NLGN4Y: variants seen among roughly 807,000 people sequenced by gnomAD.
NLGN4Y encodes the protein neuroligin-4, Y-linked.
In NLGN4Y, 4 loss-of-function variants were observed where a neutral mutation model predicts 8.4. The observed-to-expected ratio is 0.48, with a 90% CI of 0.23 to 1.09. The LOEUF (loss-of-function observed/expected upper bound fraction) is 1.09. NLGN4Y is among the 50% of genes least tolerant of loss of function. NLGN4Y has a pLI of 0.19. For synonymous variants in NLGN4Y, 35 were observed against 75.6 expected, an observed-to-expected ratio of 0.46 and a Z score of 2.78; for missense variants, 90 against 192.3, an observed-to-expected ratio of 0.47 and a Z score of 3.15.
intron 1 of NLGN4Y, among the ~76,000 whole-genome samples, chrY:14,583,823 A>G: frequency 8.7e-5 from 3 of 34,288 alleles, no homozygotes; most frequent in Admixed American, 7.8e-4. Context: ...CAGACAGAGA[A>G]GGACCATGCG....
intron 1 of NLGN4Y, among the ~76,000 whole-genome samples, chrY:14,603,089 A>G: frequency 3.0e-5 from 1 of 33,443 alleles, no homozygotes; most frequent in Non-Finnish European, 7.4e-5. Context: ...ACATTTCTGT[A>G]CATATTTTCT....
chrY:14,649,229 C>T, intron 2 of NLGN4Y, among the ~76,000 whole-genome samples: 1 of 32,375 alleles, frequency 3.1e-5, no homozygotes, highest in South Asian at 6.9e-4. Flanking sequence ...TACTCCTAAA[C>T]GTATTATTTA....
At chrY:14,591,082 G>A (rs2080369675) in intron 1 of NLGN4Y, among the ~76,000 whole-genome samples, 1 of 32,561 alleles carries the variant, frequency 3.1e-5, no homozygotes, top group African/African-American at 1.2e-4. Flanking sequence ...CTGCGCTGAC[G>A]GACTTGAGCT....
At chrY:14,821,196 C>G (rs889391043) in intron 4 of NLGN4Y, among the ~76,000 whole-genome samples, 2 of 33,515 alleles carry the variant, frequency 6.0e-5, no homozygotes, top group Non-Finnish European at 1.5e-4. Flanking sequence ...CCAGTGGGTT[C>G]GTGGTCTTGC....
chrY:14,710,686 T>C, intron 2 of NLGN4Y, among the ~76,000 whole-genome samples: 1 of 33,782 alleles, frequency 3.0e-5, no homozygotes, highest in Non-Finnish European at 7.3e-5. Flanking sequence ...AATCAAAAAT[T>C]GGCTTGCTAT....
At chrY:14,548,704 A>G (rs2080181082) in intron 1 of NLGN4Y, among the ~76,000 whole-genome samples, 1 of 32,700 alleles carries the variant, frequency 3.1e-5, no homozygotes, top group Non-Finnish European at 7.5e-5. Context: ...CAGGAAACAC[A>G]TACCCTGCTA....
At chrY:14,595,336 G>A in intron 1 of NLGN4Y, among the ~76,000 whole-genome samples, 1 of 32,476 alleles carries the variant, frequency 3.1e-5, no homozygotes, top group Non-Finnish European at 7.5e-5. Flanking sequence ...TAATAGGAAG[G>A]GGAGCTATAG....
At chrY:14,621,445 GGTTT>G (rs2080507277) in intron 1 of NLGN4Y, among the ~76,000 whole-genome samples, 1 of 33,621 alleles carries the variant, frequency 3.0e-5, no homozygotes, top group Non-Finnish European at 7.3e-5. Context: ...CTTGAACGTC[GGTTT>G]GTTCATTCAA....
intron 1 of NLGN4Y, among the ~76,000 whole-genome samples, chrY:14,582,125 T>C: frequency 1.8e-4 from 6 of 33,256 alleles, no homozygotes; most frequent in Admixed American, 1.6e-3. Context: ...ACTGGCTGCC[T>C]TCTGTCTTGG....
intron 2 of NLGN4Y, among the ~76,000 whole-genome samples, chrY:14,702,358 T>C (rs2080853674): frequency 3.2e-5 from 1 of 31,309 alleles, no homozygotes; most frequent in Non-Finnish European, 7.7e-5. Context: ...TTCCCCTTCC[T>C]GTGTCCATGT....
At chrY:14,674,198 C>T in intron 2 of NLGN4Y, among the ~76,000 whole-genome samples, 1 of 27,718 alleles carries the variant, frequency 3.6e-5, no homozygotes, top group South Asian at 8.1e-4. Context: ...AAAAAAATGG[C>T]ATAAACCTTT....
At chrY:14,778,068 T>TAAAG (rs2081133328) in intron 4 of NLGN4Y, among the ~76,000 whole-genome samples, 4 of 30,342 alleles carry the variant, frequency 1.3e-4, no homozygotes, top group African/African-American at 5.1e-4. Flanking sequence ...AATAAATAAA[T>TAAAG]AAATAAATAA....
At chrY:14,687,855 T>C (rs2080797203) in intron 2 of NLGN4Y, among the ~76,000 whole-genome samples, 1 of 33,286 alleles carries the variant, frequency 3.0e-5, no homozygotes, top group South Asian at 6.6e-4. Context: ...TGTGTCAGAG[T>C]GTGTTTTAAA....
At chrY:14,625,629 G>T in intron 2 of NLGN4Y, among the ~76,000 whole-genome samples, 1 of 33,139 alleles carries the variant, frequency 3.0e-5, no homozygotes, top group South Asian at 6.8e-4. Context: ...TGAAGAAGCA[G>T]TGCAGAATAT....
intron 3 of NLGN4Y, among the ~76,000 whole-genome samples, chrY:14,721,775 T>TACACAC (rs776389790): frequency 1.9e-4 from 5 of 26,505 alleles, no homozygotes; most frequent in Admixed American, 7.0e-4. Context: ...ATTATTTGTA[T>TACACAC]ACACACACAC....
rs894291414 is a variant in NLGN4Y at position 14,773,748 on chromosome Y, G to A, written c.686-50440G>A. On this transcript the variant is annotated intron_variant, in intron 4 of 6. Transcript: ENST00000684976. ...TATCGATTAGTGGAACAGAACAGAG[G>A]CCTCAGAAATAATGCCACACATCTA... is the stretch of plus-strand genomic sequence containing the variant. 6.7e-4 allele frequency among the ~76,000 whole-genome samples: 22 copies of A among 33,042 alleles called. No individual in the cohort carries two copies. The South Asian group carries it at 6.8e-3, about 10-fold the overall frequency. 88.6% of individuals were successfully genotyped at this position (33,042 alleles called of 37,273 possible). A position where few individuals can be genotyped will look rare whatever the true frequency, so the allele number is the denominator to read the frequency against.
intron 1 of NLGN4Y, among the ~76,000 whole-genome samples, chrY:14,541,391 A>T: frequency 1.2e-4 from 4 of 33,775 alleles, no homozygotes; most frequent in Non-Finnish European, 2.9e-4. Flanking sequence ...TCAGGATGTT[A>T]TCAAGGAGAA....
chrY:14,696,495 G>A (rs2150540046), intron 2 of NLGN4Y, among the ~76,000 whole-genome samples: 1 of 32,564 alleles, frequency 3.1e-5, no homozygotes, highest in South Asian at 7.0e-4. Context: ...GGCTTTTCTT[G>A]GCAGTGTCAC....
intron 1 of NLGN4Y, among the ~76,000 whole-genome samples, chrY:14,526,256 T>G: frequency 3.0e-5 from 1 of 33,508 alleles, no homozygotes; most frequent in Non-Finnish European, 7.4e-5. Context: ...ATCAAATCCT[T>G]AGCATAGATT....
Sources: gnomAD v4.1 joint callset for allele counts (sites outside exome capture counted in the v4.1 genomes callset) on GRCh38, gnomAD v4.1.1 for gene constraint, MANE v1.5 for transcripts, NCBI Gene and HGNC (gene_info 2026-07-23, HGNC 2026-07-21) for gene names.